The following ZNF347 variants were observed in gnomAD, a reference collection of about 807,000 sequenced individuals.
ZNF347 encodes the protein CTD-2620I22.7.
ZNF347 carries 19 observed loss-of-function variants against 12.9 expected under a neutral mutation model. The observed-to-expected ratio is 1.47, with a 90% confidence interval of 1.03 to 2.16. The LOEUF (loss-of-function observed/expected upper bound fraction) is 2.16, where lower values mean the gene tolerates loss of function less well. Ranked by LOEUF, ZNF347 falls within the 30% of genes most tolerant of loss-of-function variation. The probability of loss-of-function intolerance (pLI) is 0.00; values close to 1 mark genes in which losing one functional copy is unlikely to be tolerated. For missense variants in ZNF347, 1,005 were observed against 990.6 expected (o/e 1.01, Z -0.19); for synonymous variants, 328 against 340.6 (o/e 0.96, Z 0.41).
At chr19:53,142,956 T>A (rs1024896998) in intron 4 of ZNF347, among the ~76,000 whole-genome samples, 2 of 152,220 alleles carry the variant, frequency 1.3e-5, no homozygotes, top group Non-Finnish European at 2.9e-5. Context: ...ACGATGTAAC[T>A]GTTACACTAA....
intron 1 of ZNF347, among the ~76,000 whole-genome samples, chr19:53,156,045 C>CGGGGGGGGG (rs34037433): frequency 1.8e-4 from 3 of 17,044 alleles, no homozygotes; most frequent in African/African-American, 4.6e-4. Context: ...ACTCCCAGCT[C>CGGGGGGGGG]GGGGGGGGGG....
intron 4 of ZNF347, among the ~76,000 whole-genome samples, chr19:53,146,264 C>T (rs1327799445): frequency 6.6e-6 from 1 of 151,952 alleles, no homozygotes; most frequent in Non-Finnish European, 1.5e-5. Flanking sequence ...TGTGAGCCAC[C>T]GTGCCCGGCC....
At position 53,142,509 on chromosome 19, in the gene ZNF347, T is replaced by A; in HGVS notation, c.319A>T (p.Ser107Cys). ...VMKDLLHKGK[S>C]NTGEVFQTVM... is the part of the protein sequence containing the mutation. ...GTTTGGAATACTTCTCCTGTATTAC[T>A]CTTCCCTTTGTGTAGTAAATCTTTC... The change falls in exon 5 of 5, where the codon AGT becomes TGT. Residue 107 changes from serine (S) to cysteine (C), a missense_variant. Transcript: ENST00000334197. 6.2e-7 allele frequency: 1 copy of A among 1,611,444 alleles called. No individual in the cohort carries two copies. The highest frequency in any genetic ancestry group is 8.5e-7 in the Non-Finnish European group (1 of 1,179,132).
rs762733284 is a variant in ZNF347 at position 53,140,703 on chromosome 19, A to T, written c.2125T>A (p.Tyr709Asn). The change falls in exon 5 of 5, where the codon TAT (tyrosine) becomes AAT (asparagine). Residue 709 changes from tyrosine (Y) to asparagine (N), a missense_variant. Tyr to Asn is a moderately radical substitution (Grantham distance 143). Transcript: ENST00000334197. ...GCTTTCCCACACTGATTACACTCAT[A>T]TGGTTTCTCTCCAGTATGAACTCTC... is the stretch of plus-strand genomic sequence containing the variant. ...HQRVHTGEKP[Y>N]ECNQCGKAFS... 3.1e-6 allele frequency: 5 copies of T among 1,613,302 alleles called. No individual in the cohort carries two copies. In the African/African-American group the frequency reaches 5.4e-5, roughly 17 times the overall value.
chr19:53,140,241 T>C lies in ZNF347; in HGVS notation c.*67A>G, dbSNP rs2090411449. 7.1e-7 allele frequency: 1 copy of C among 1,417,862 alleles called. No individual in the cohort carries two copies. Among genetic ancestry groups the C allele is most frequent in the Non-Finnish European group, 9.6e-7 (1 of 1,046,050 alleles). The allele number at this position is 1,417,862 out of a possible 1,614,324, so 87.8% of individuals were successfully genotyped here. On this transcript the variant is annotated 3_prime_UTR_variant, in exon 5 of 5. Transcript: ENST00000334197. ...AGGAATCTCTCAGGCATAAATTCTC[T>C]GACGTTGTCAAAGGAATGAATTCTA...
intron 2 of ZNF347, 125 bp downstream of exon 2, chr19:53,153,608 A>G: frequency 6.9e-7 from 1 of 1,453,434 alleles, no homozygotes; most frequent in Non-Finnish European, 9.6e-7. Flanking sequence ...GAGGGAAGGC[A>G]CGCGTAAGTG....
At chr19:53,146,969 C>T (rs1402327614) in intron 4 of ZNF347, among the ~76,000 whole-genome samples, 1 of 152,182 alleles carries the variant, frequency 6.6e-6, no homozygotes, top group Non-Finnish European at 1.5e-5. Context: ...GGCATGTTAG[C>T]TCACGCCTGT....
chr19:53,150,711 G>A (rs2090491819), intron 2 of ZNF347, among the ~76,000 whole-genome samples: 1 of 152,122 alleles, frequency 6.6e-6, no homozygotes, highest in African/African-American at 2.4e-5. Context: ...CACTTCCCAA[G>A]TGCAAGGCAT....
rs2090380187 is a variant in ZNF347 at position 53,135,323 on chromosome 19, T to TAG, written c.*4984_*4985insCT. 7.6e-5 allele frequency: 4 copies of TAG among 52,584 alleles called. No homozygotes were observed. Among genetic ancestry groups the TAG allele is most frequent in the Admixed American group, 1.9e-4 (1 of 5,396 alleles). The allele number at this position is 52,584 out of a possible 1,614,324, so 3.3% of individuals were successfully genotyped here. The stretch of plus-strand genomic sequence containing the variant: ...AAATATATATATATATATATATATA[T>TAG]ATATATATATATATATAGAGAGAGA... On this transcript the variant is annotated 3_prime_UTR_variant, in exon 5 of 5. Coordinates refer to ENST00000334197, the MANE Select transcript of ZNF347 (RefSeq NM_032584.3).
chr19:53,140,787 A>G lies in ZNF347; in HGVS notation c.2041T>C (p.Tyr681His). The change falls in exon 5 of 5, where the codon TAC becomes CAC. Residue 681 changes from tyrosine (Y) to histidine (H), a missense_variant. By Grantham distance (83) the Tyr-to-His change is moderately conservative. Transcript: ENST00000334197. ...HRRVHTGGKP[Y>H]QCNECGKAFS... The stretch of plus-strand genomic sequence containing the variant: ...GCTTTGCCACATTCATTACACTGGT[A>G]AGGTTTACCTCCAGTATGAACTCTC... 1 of 1,613,212 alleles carries G rather than the reference A, an allele frequency of 6.2e-7. No individual in the cohort carries two copies.
At position 53,141,306 on chromosome 19, in the gene ZNF347, T is replaced by C. The variant is rs142722070; in HGVS notation, c.1522A>G (p.Thr508Ala). The change falls in exon 5 of 5, where the codon ACT becomes GCT. Residue 508 changes from threonine (T) to alanine (A), a missense_variant. Thr to Ala is a moderately conservative substitution (Grantham distance 58). Coordinates refer to ENST00000334197, the MANE Select transcript of ZNF347 (RefSeq NM_032584.3). ...TTACATTTGTAAGGCTTTTCTCCAG[T>C]ATGGATGACCTGATGGGTAGTTAGG... ...SNLTTHQVIH[T>A]GEKPYKCNEC... 7.0e-5 allele frequency: 113 copies of C among 1,613,368 alleles called. 2 individuals are homozygous for C. The South Asian group carries it at 1.1e-3, about 16-fold the overall frequency.
Position 53,153,355 on chromosome 19 carries a change from C to T in ZNF347, c.15+378G>A, listed in dbSNP as rs148217353. Among the ~76,000 whole-genome samples the T allele has an allele frequency of 1.4e-3, 210 of 152,326 alleles. 1 individual carries two copies. Among genetic ancestry groups the T allele is most frequent in the Middle Eastern group, 6.8e-3 (2 of 294 alleles). ...ACATAATTTAGCAAGTATTTGTGCA[C>T]ATTAACACGTGACTTCCACGTGCAG... is the stretch of plus-strand genomic sequence containing the variant. On this transcript the variant is annotated intron_variant, in intron 2 of 4. Coordinates refer to ENST00000334197, the MANE Select transcript of ZNF347 (RefSeq NM_032584.3).
intron 4 of ZNF347, among the ~76,000 whole-genome samples, chr19:53,145,511 G>GC (rs925600562): frequency 4.7e-5 from 7 of 150,336 alleles, no homozygotes; most frequent in Non-Finnish European, 1.0e-4. Context: ...ACCCACCTCA[G>GC]CCCCCCAAGT....
rs2090422177 is a variant in ZNF347, at chr19:53,141,105, C to T, written c.1723G>A (p.Gly575Ser). ...GEKPYKCNEC[G>S]KVFTQNSHLA... ...TGTGAATTCTGAGTGAAGACCTTGC[C>T]ACACTCATTACATTTGTAAGGTTTT... The change falls in exon 5 of 5, where the codon GGC becomes AGC. Residue 575 changes from glycine (G) to serine (S), a missense_variant. Physicochemically the swap from Gly to Ser is moderately conservative, Grantham distance 56 (BLOSUM62 0). Transcript: ENST00000334197. 3.1e-6 allele frequency: 5 copies of T among 1,614,042 alleles called. No individual in the cohort carries two copies. Among genetic ancestry groups the T allele is most frequent in the Non-Finnish European group, 4.2e-6 (5 of 1,179,988 alleles).
intron 4 of ZNF347, among the ~76,000 whole-genome samples, chr19:53,147,482 C>G (rs1204122896): frequency 1.3e-5 from 2 of 151,720 alleles, no homozygotes; most frequent in Non-Finnish European, 2.9e-5. Context: ...CAGTTGAGCC[C>G]AAGAGTCTGA....
chr19:53,144,380 G>C (rs2090449611), intron 4 of ZNF347, among the ~76,000 whole-genome samples: 1 of 152,102 alleles, frequency 6.6e-6, no homozygotes, highest in Admixed American at 6.6e-5. Flanking sequence ...AAGAGACAAA[G>C]TCAGTATATA....
chr19:53,148,374 GAAAT>G (rs1163731551), intron 4 of ZNF347, among the ~76,000 whole-genome samples: 1 of 152,178 alleles, frequency 6.6e-6, no homozygotes, highest in Non-Finnish European at 1.5e-5. Flanking sequence ...CAAAGGAGAT[GAAAT>G]AACCCTTTTG....
chr19:53,146,242 T>C (rs1403826613), intron 4 of ZNF347, among the ~76,000 whole-genome samples: 1 of 152,152 alleles, frequency 6.6e-6, no homozygotes, highest in African/African-American at 2.4e-5. Context: ...CCCAAAGTGC[T>C]GGGATTACAG....
Position 53,141,979 on chromosome 19 carries a change from A to G in ZNF347, c.849T>C (p.His283=), listed in dbSNP as rs768175719. The change falls in exon 5 of 5, where the codon CAT becomes CAC. Residue 283 remains histidine (H), a synonymous_variant. Coordinates refer to ENST00000334197, the MANE Select transcript of ZNF347 (RefSeq NM_032584.3). ...AACATTTGTAAGGTTTCTCTTTAGTATGACTTCTCTGATGACTTGCAAGGT... is the reference window on the plus strand; with the variant it reads ...AACATTTGTAAGGTTTCTCTTTAGTGTGACTTCTCTGATGACTTGCAAGGT... ...NSHLASHQRS[H]TKEKPYKCYE... 2.5e-6 allele frequency: 4 copies of G among 1,614,036 alleles called. No homozygotes were observed. Among genetic ancestry groups the G allele is most frequent in the Admixed American group, 1.7e-5 (1 of 59,984 alleles).
Sources: gnomAD v4.1 joint callset for allele counts (sites outside exome capture counted in the v4.1 genomes callset) on GRCh38, gnomAD v4.1.1 for gene constraint, MANE v1.5 for transcripts, NCBI Gene and HGNC (gene_info 2026-07-23, HGNC 2026-07-21) for gene names.